UVRAG: variants seen among roughly 807,000 people sequenced by gnomAD.
UVRAG encodes UV radiation resistance-associated gene protein.
A neutral mutation model predicts 78.0 loss-of-function variants in UVRAG; 19 were observed. The observed-to-expected ratio is 0.24, with a 90% CI of 0.17 to 0.36. The LOEUF is 0.36. UVRAG is among the 10% of genes least tolerant of loss of function. UVRAG has a pLI of 1.00. For synonymous variants in UVRAG, 323 were observed against 324.6 expected (o/e 1.00, Z 0.05); for missense variants, 740 against 853.8 (o/e 0.87, Z 1.66).
intron 13 of UVRAG, among the ~76,000 whole-genome samples, chr11:76,106,741 C>G (rs537752292): frequency 6.6e-6 from 1 of 152,028 alleles, no homozygotes; most frequent in Non-Finnish European, 1.5e-5. Flanking sequence ...CAGATTGGGC[C>G]AAAGGTCAAT....
At chr11:75,845,278 G>A (rs11236561) in intron 1 of UVRAG, among the ~76,000 whole-genome samples, 19,173 of 152,182 alleles carry the variant, frequency 0.13, 1,833 homozygotes, top group African/African-American at 0.27. Flanking sequence ...TATTACTAGA[G>A]CACAACTCAG....
Position 76,064,505 on chromosome 11 carries a change from T to G in UVRAG, c.1227-1205T>G, listed in dbSNP as rs753401579. Among the ~76,000 whole-genome samples the G allele has an allele frequency of 1.8e-4, 28 of 152,310 alleles. 1 individual carries two copies. The highest frequency in any genetic ancestry group is 3.5e-4 in the Non-Finnish European group (24 of 68,030). ...ATGTCCTAGTTTATTTTTTACTGTT[T>G]CAATTAAATATGAAGCTCTGTCTTC... is the stretch of plus-strand genomic sequence containing the variant. On this transcript the variant is annotated intron_variant, in intron 12 of 14. Transcript: ENST00000356136.
intron 12 of UVRAG, among the ~76,000 whole-genome samples, chr11:76,060,577 C>T (rs1406396973): frequency 2.0e-5 from 3 of 152,230 alleles, no homozygotes; most frequent in South Asian, 4.1e-4. Context: ...GAGGCGCGAG[C>T]GGGAACCAGG....
At position 75,853,432 on chromosome 11, in the gene UVRAG, T is replaced by C. The variant is rs965037732; in HGVS notation, c.235+1432T>C. 6.7e-5 allele frequency among the ~76,000 whole-genome samples: 9 copies of C among 134,812 alleles called. No homozygotes were observed. The East Asian group carries it at 2.0e-3, about 30-fold the overall frequency. The allele number at this position is 134,812 out of a possible 152,430, so 88.4% of individuals were successfully genotyped here. A position where few individuals can be genotyped will look rare whatever the true frequency, so the allele number is the denominator to read the frequency against. On this transcript the variant is annotated intron_variant, in intron 2 of 14. Transcript: ENST00000356136. ...TGGAGTGCAATGGCGTGATCTCAGC[T>C]CACTGCAACCTCCGCCTCCCTGGAT...
intron 13 of UVRAG, among the ~76,000 whole-genome samples, chr11:76,089,597 G>A (rs1011398442): frequency 2.0e-5 from 3 of 152,138 alleles, no homozygotes; most frequent in South Asian, 2.1e-4. Context: ...TAGCCCTTTG[G>A]TTTTAGTTTT....
At chr11:75,838,335 G>T (rs1053059398) in intron 1 of UVRAG, among the ~76,000 whole-genome samples, 1 of 151,564 alleles carries the variant, frequency 6.6e-6, no homozygotes, top group African/African-American at 2.4e-5. Flanking sequence ...AAATTTTAGG[G>T]TTTTTTTTGT....
intron 1 of UVRAG, among the ~76,000 whole-genome samples, chr11:75,828,027 G>A (rs1327103463): frequency 6.6e-6 from 1 of 152,026 alleles, no homozygotes; most frequent in Non-Finnish European, 1.5e-5. Flanking sequence ...AAGCTTTCTG[G>A]TTTTTTATTC....
At chr11:75,949,531 C>G (rs574124255) in intron 6 of UVRAG, among the ~76,000 whole-genome samples, 2 of 152,032 alleles carry the variant, frequency 1.3e-5, no homozygotes, top group Non-Finnish European at 2.9e-5. Context: ...GGATGTTACA[C>G]AGGCACCTCC....
intron 13 of UVRAG, among the ~76,000 whole-genome samples, chr11:76,091,458 C>T (rs1050389990): frequency 1.3e-5 from 2 of 152,032 alleles, no homozygotes; most frequent in Admixed American, 6.6e-5. Flanking sequence ...TAATGGTTTA[C>T]TCCCTTTTAT....
intron 3 of UVRAG, among the ~76,000 whole-genome samples, chr11:75,869,554 A>G (rs1166505157): frequency 2.0e-5 from 3 of 152,212 alleles, no homozygotes; most frequent in South Asian, 4.1e-4. Flanking sequence ...GTTTAACTAC[A>G]TGATTTGAAG....
At chr11:76,103,128 C>T (rs1225578715) in intron 13 of UVRAG, among the ~76,000 whole-genome samples, 1 of 152,228 alleles carries the variant, frequency 6.6e-6, no homozygotes, top group Non-Finnish European at 1.5e-5. Context: ...AAGCCCTTCT[C>T]ATACTTTGAA....
At chr11:76,097,728 A>G (rs897695935) in intron 13 of UVRAG, among the ~76,000 whole-genome samples, 1 of 152,154 alleles carries the variant, frequency 6.6e-6, no homozygotes, top group Non-Finnish European at 1.5e-5. Context: ...CTTTGGGCCT[A>G]TACAAGACTG....
At chr11:75,896,666 TA>T (rs1406577891) in intron 5 of UVRAG, among the ~76,000 whole-genome samples, 1 of 152,204 alleles carries the variant, frequency 6.6e-6, no homozygotes, top group African/African-American at 2.4e-5. Context: ...AGGCTCTCAG[TA>T]AAACTTTGTT....
At position 76,025,481 on chromosome 11, in the gene UVRAG, G is replaced by A. The variant is rs1950311398; in HGVS notation, c.1226+8501G>A. 1.3e-5 allele frequency among the ~76,000 whole-genome samples: 2 copies of A among 152,048 alleles called. 1 individual carries two copies. Among genetic ancestry groups the A allele is most frequent in the South Asian group, 4.1e-4 (2 of 4,826 alleles). ...AGGAGAAACAGGGGGTGGTATAATT[G>A]GCAGGCACTTTTGAAACTTTCTGGC... On this transcript the variant is annotated intron_variant, in intron 12 of 14. Transcript: ENST00000356136.
intron 14 of UVRAG, among the ~76,000 whole-genome samples, chr11:76,130,987 C>T (rs1952503809): frequency 1.3e-5 from 2 of 151,342 alleles, no homozygotes; most frequent in African/African-American, 4.9e-5. Context: ...TTTATTATTC[C>T]CAAGTATCAA....
rs776338597 is a variant in UVRAG, at chr11:75,981,267, G to A, written c.700-2120G>A. Among the ~76,000 whole-genome samples the A allele has an allele frequency of 3.3e-5, 5 of 151,682 alleles. No individual in the cohort carries two copies. The East Asian group carries it at 5.8e-4, about 18-fold the overall frequency. ...GCTGGGATTACAGGTGCCCACTACC[G>A]TGCCCGGCTAATTTTTATATTTTTA... On this transcript the variant is annotated intron_variant, in intron 7 of 14. Transcript: ENST00000356136.
At chr11:76,061,676 C>G (rs1234565274) in intron 12 of UVRAG, among the ~76,000 whole-genome samples, 1 of 151,964 alleles carries the variant, frequency 6.6e-6, no homozygotes, top group Non-Finnish European at 1.5e-5. Flanking sequence ...ACGAACCCCA[C>G]CAGAAGGAAG....
At chr11:76,125,347 G>A (rs936127978) in intron 14 of UVRAG, among the ~76,000 whole-genome samples, 2 of 152,142 alleles carry the variant, frequency 1.3e-5, no homozygotes, top group Admixed American at 1.3e-4. Flanking sequence ...GAACCTTGAC[G>A]AGTCATCTCC....
At chr11:75,959,886 A>T (rs1280446801) in intron 6 of UVRAG, among the ~76,000 whole-genome samples, 1 of 152,200 alleles carries the variant, frequency 6.6e-6, no homozygotes, top group Non-Finnish European at 1.5e-5. Flanking sequence ...GTTGTGTCTC[A>T]GGGAATATGG....
Sources: gnomAD v4.1 joint callset for allele counts (sites outside exome capture counted in the v4.1 genomes callset) on GRCh38, gnomAD v4.1.1 for gene constraint, MANE v1.5 for transcripts, NCBI Gene and HGNC (gene_info 2026-07-23, HGNC 2026-07-21) for gene names.